SESTD1: variants seen among roughly 807,000 people sequenced by gnomAD.
SESTD1 encodes the protein SEC14 and spectrin domain containing 1, also known as SEC14 domain and spectrin repeat-containing protein 1.
Under a neutral mutation model 101.7 loss-of-function variants are expected in SESTD1, and 43 were observed. That is an observed-to-expected ratio of 0.42 (90% CI 0.33 to 0.55). The LOEUF (loss-of-function observed/expected upper bound fraction) is 0.55. Among genes scored for constraint, SESTD1 ranks in the 20% least tolerant of loss-of-function variants. SESTD1 has a pLI of 0.07. For synonymous variants in SESTD1, 283 were observed against 286.8 expected (o/e 0.99, Z 0.13); for missense variants, 647 against 815.1 (o/e 0.79, Z 2.51).
At chr2:179,218,749 A>C (rs1258712446) in intron 1 of SESTD1, among the ~76,000 whole-genome samples, 1 of 152,170 alleles carries the variant, frequency 6.6e-6, no homozygotes, top group African/African-American at 2.4e-5. Context: ...GAGGAAAATA[A>C]AGGCAACCAA....
intron 5 of SESTD1, among the ~76,000 whole-genome samples, chr2:179,163,889 T>C (rs912588132): frequency 3.3e-5 from 5 of 152,156 alleles, no homozygotes; most frequent in Admixed American, 3.3e-4. Flanking sequence ...ATTAAAAACT[T>C]GTTTCTCTTT....
intron 1 of SESTD1, among the ~76,000 whole-genome samples, chr2:179,246,128 G>A (rs529761449): frequency 1.5e-4 from 23 of 152,020 alleles, no homozygotes; most frequent in South Asian, 4.2e-4. Context: ...GGTGGCGTGC[G>A]CCTGTAATCC....
intron 1 of SESTD1, among the ~76,000 whole-genome samples, chr2:179,254,401 CAA>C (rs1489965633): frequency 6.6e-6 from 1 of 152,120 alleles, no homozygotes; most frequent in Non-Finnish European, 1.5e-5. Flanking sequence ...CTGCTAATTC[CAA>C]AGAGTCACCA....
At chr2:179,199,177 C>A (rs2046457924) in intron 1 of SESTD1, among the ~76,000 whole-genome samples, 1 of 152,030 alleles carries the variant, frequency 6.6e-6, no homozygotes, top group African/African-American at 2.4e-5. Flanking sequence ...CTACAAACAC[C>A]TCTACGCAAA....
At chr2:179,123,435 G>A (rs1480459189) in intron 12 of SESTD1, among the ~76,000 whole-genome samples, 1 of 152,108 alleles carries the variant, frequency 6.6e-6, no homozygotes, top group African/African-American at 2.4e-5. Context: ...ACAAATAATT[G>A]TTCATAGTAT....
chr2:179,132,050 G>A, intron 10 of SESTD1: 1 of 295,352 alleles, frequency 3.4e-6, no homozygotes, highest in Middle Eastern at 1.1e-3. Context: ...TGTCACTGTA[G>A]CTTTTAAAAT....
intron 8 of SESTD1, among the ~76,000 whole-genome samples, chr2:179,145,298 A>G (rs776829701): frequency 4.6e-5 from 7 of 152,172 alleles, no homozygotes; most frequent in Non-Finnish European, 8.8e-5. Context: ...GCATGCCTTG[A>G]AATCAAACTG....
chr2:179,246,759 G>A (rs1025823549), intron 1 of SESTD1, among the ~76,000 whole-genome samples: 3 of 152,098 alleles, frequency 2.0e-5, no homozygotes, highest in East Asian at 1.9e-4. Context: ...TCTCTTCTCC[G>A]ACCAATATGG....
chr2:179,224,196 T>C (rs1038835629), intron 1 of SESTD1, among the ~76,000 whole-genome samples: 4 of 152,326 alleles, frequency 2.6e-5, no homozygotes, highest in Middle Eastern at 3.4e-3. Context: ...ATAACAATAA[T>C]GCTAACATTA....
intron 2 of SESTD1, among the ~76,000 whole-genome samples, chr2:179,188,295 T>A (rs2046266317): frequency 6.6e-6 from 1 of 152,106 alleles, no homozygotes; most frequent in African/African-American, 2.4e-5. Context: ...AACCACACAA[T>A]TACATGAAAA....
intron 1 of SESTD1, among the ~76,000 whole-genome samples, chr2:179,244,423 C>T (rs191026852): frequency 2.0e-3 from 298 of 151,596 alleles, no homozygotes; most frequent in African/African-American, 6.7e-3. Flanking sequence ...CACACCACTG[C>T]ACTACAGCCT....
intron 4 of SESTD1, among the ~76,000 whole-genome samples, chr2:179,174,068 A>C (rs533920686): frequency 6.6e-6 from 1 of 152,340 alleles, no homozygotes; most frequent in South Asian, 2.1e-4. Context: ...GAGGGGCTGG[A>C]AAATTTAAGA....
At chr2:179,225,483 T>C (rs764164200) in intron 1 of SESTD1, among the ~76,000 whole-genome samples, 5 of 152,312 alleles carry the variant, frequency 3.3e-5, no homozygotes, top group East Asian at 1.9e-4. Flanking sequence ...AAATGACATA[T>C]ACTTTAATGA....
chr2:179,159,918 G>A (rs994732375), intron 5 of SESTD1, among the ~76,000 whole-genome samples: 3 of 152,150 alleles, frequency 2.0e-5, no homozygotes, highest in African/African-American at 2.4e-5. Context: ...GCAATAGCAC[G>A]ATCTCAGCTC....
chr2:179,217,284 C>T (rs1338035434), intron 1 of SESTD1, among the ~76,000 whole-genome samples: 1 of 151,998 alleles, frequency 6.6e-6, no homozygotes, highest in African/African-American at 2.4e-5. Flanking sequence ...AACAAATTTA[C>T]AAGAAAAAAA....
chr2:179,223,425 T>C (rs895221114), intron 1 of SESTD1, among the ~76,000 whole-genome samples: 4 of 152,060 alleles, frequency 2.6e-5, no homozygotes, highest in Admixed American at 1.3e-4. Flanking sequence ...AAATTCATGA[T>C]ACGTAAATTT....
At position 179,149,316 on chromosome 2, in the gene SESTD1, T is replaced by C; in HGVS notation, c.562A>G (p.Asn188Asp). 3 of 1,610,654 alleles carry C rather than the reference T, an allele frequency of 1.9e-6. No homozygotes were observed. The highest frequency in any genetic ancestry group is 2.5e-6 in the Non-Finnish European group (3 of 1,179,028). The change falls in exon 7 of 18, where the codon AAT (asparagine) becomes GAT (aspartate). Residue 188 changes from asparagine (N) to aspartate (D), a missense_variant. Coordinates refer to ENST00000428443, the MANE Select transcript of SESTD1 (RefSeq NM_178123.5). ...ALINNGSDKG[N>D]QQEKERSVDL... ...ACCTACCTTTCTTTCTCTTGCTGAT[T>C]TCCTTTATCACTTCCATTGTTAATC...
chr2:179,162,990 C>CAA lies in SESTD1; in HGVS notation c.369+9128_369+9129dup, dbSNP rs1219244701. ...TGGGCAACAGAGCAAGACTCCGTCT[C>CAA]AAAAAAAAAAAAAAAGAATAAAGGC... is the stretch of plus-strand genomic sequence containing the variant. On this transcript the variant is annotated intron_variant, in intron 5 of 17. Transcript: ENST00000428443. Among the ~76,000 whole-genome samples, 201 of 88,828 alleles carry CAA rather than the reference C, an allele frequency of 2.3e-3. 2 individuals are homozygous for CAA. The highest frequency in any genetic ancestry group is 5.0e-3 in the African/African-American group (119 of 24,036). The allele number at this position is 88,828 out of a possible 152,430, so 58.3% of individuals were successfully genotyped here.
chr2:179,255,030 T>A (rs2047371699), intron 1 of SESTD1, among the ~76,000 whole-genome samples: 1 of 152,170 alleles, frequency 6.6e-6, no homozygotes, highest in South Asian at 2.1e-4. Context: ...GCACCATGAA[T>A]CAAACCCATA....
Sources: gnomAD v4.1 joint callset for allele counts (sites outside exome capture counted in the v4.1 genomes callset) on GRCh38, gnomAD v4.1.1 for gene constraint, MANE v1.5 for transcripts, NCBI Gene and HGNC (gene_info 2026-07-23, HGNC 2026-07-21) for gene names.